Variants in MYO3B observed in about 807,000 individuals in gnomAD.
MYO3B encodes myosin-IIIb.
In MYO3B, 156 loss-of-function variants were observed where a neutral mutation model predicts 174.6. The observed-to-expected ratio is 0.89, with a 90% CI of 0.78 to 1.02. The LOEUF (loss-of-function observed/expected upper bound fraction) is 1.02, where lower values mean the gene tolerates loss of function less well. Among genes scored for constraint, MYO3B ranks in the 50% least tolerant of loss-of-function variants. MYO3B has a pLI of 0.00. For missense variants in MYO3B, 1,632 were observed against 1,639.4 expected (o/e 1.00, Z 0.08); for synonymous variants, 563 against 569.1 (o/e 0.99, Z 0.15).
chr2:170,587,629 A>G lies in MYO3B; in HGVS notation c.3733+43641A>G, dbSNP rs115183137. On this transcript the variant is annotated intron_variant, in intron 32 of 34. Coordinates refer to ENST00000408978, the MANE Select transcript of MYO3B (RefSeq NM_138995.5). ...AAAATGCAAGAAGGGTCTGTATCAC[A>G]TATAGAGAAACTTTTAATGACCTGG... Among the ~76,000 whole-genome samples the G allele has an allele frequency of 6.7e-3, 1,015 of 152,332 alleles. 8 individuals carry two copies. Among genetic ancestry groups the G allele is most frequent in the African/African-American group, 0.022 (920 of 41,578 alleles).
chr2:170,303,423 A>G (rs928327617), intron 7 of MYO3B, among the ~76,000 whole-genome samples: 4 of 152,188 alleles, frequency 2.6e-5, no homozygotes, highest in African/African-American at 4.8e-5. Context: ...GGTATTTCAC[A>G]TTCTCATTTA....
At chr2:170,562,467 C>A (rs1691776701) in intron 32 of MYO3B, among the ~76,000 whole-genome samples, 1 of 151,916 alleles carries the variant, frequency 6.6e-6, no homozygotes, top group Non-Finnish European at 1.5e-5. Flanking sequence ...GAAAAATAAC[C>A]CCAAAAGCCG....
At chr2:170,464,344 CAAAA>C (rs55671996) in intron 24 of MYO3B, among the ~76,000 whole-genome samples, 2,345 of 98,170 alleles carry the variant, frequency 0.024, 54 homozygotes, top group African/African-American at 0.077. Flanking sequence ...GACTCCCTCT[CAAAA>C]AAAAAAAAAA....
chr2:170,292,726 A>C (rs187810890), intron 7 of MYO3B, among the ~76,000 whole-genome samples: 1 of 152,270 alleles, frequency 6.6e-6, no homozygotes, highest in Admixed American at 6.5e-5. Flanking sequence ...AAGGCTGGGT[A>C]GGGGTTCATG....
intron 25 of MYO3B, among the ~76,000 whole-genome samples, chr2:170,473,965 C>G (rs1031488545): frequency 1.3e-5 from 2 of 152,130 alleles, no homozygotes; most frequent in African/African-American, 4.8e-5. Context: ...AGTTAGGAAC[C>G]TCTCAATAAC....
At chr2:170,562,244 C>T (rs2106255315) in intron 32 of MYO3B, among the ~76,000 whole-genome samples, 1 of 152,272 alleles carries the variant, frequency 6.6e-6, no homozygotes, top group South Asian at 2.1e-4. Context: ...AGTGTTATTG[C>T]TCTCTTTGAA....
At chr2:170,444,649 T>A (rs1458671994) in intron 23 of MYO3B, among the ~76,000 whole-genome samples, 1 of 152,172 alleles carries the variant, frequency 6.6e-6, no homozygotes, top group East Asian at 1.9e-4. Flanking sequence ...TAATAAAGAA[T>A]AAACAATTTG....
intron 25 of MYO3B, among the ~76,000 whole-genome samples, chr2:170,490,862 T>A (rs1686422644): frequency 1.3e-5 from 2 of 152,314 alleles, no homozygotes; most frequent in South Asian, 4.1e-4. Flanking sequence ...TTCACAATAT[T>A]TCCCTGATTA....
intron 25 of MYO3B, among the ~76,000 whole-genome samples, chr2:170,469,609 A>G (rs942415308): frequency 1.3e-5 from 2 of 152,100 alleles, no homozygotes; most frequent in East Asian, 3.9e-4. Flanking sequence ...TCTTCCAGAA[A>G]CTAGGAGTCA....
At chr2:170,486,129 C>A (rs1686033050) in intron 25 of MYO3B, among the ~76,000 whole-genome samples, 1 of 152,012 alleles carries the variant, frequency 6.6e-6, no homozygotes, top group Admixed American at 6.6e-5. Flanking sequence ...GGGAGACTAT[C>A]CTGTGGAAGA....
intron 25 of MYO3B, among the ~76,000 whole-genome samples, chr2:170,473,680 C>T (rs1314329258): frequency 6.6e-6 from 1 of 152,162 alleles, no homozygotes; most frequent in African/African-American, 2.4e-5. Flanking sequence ...CCCAGTTTGA[C>T]AATGCTATTA....
At chr2:170,594,827 GCACACACACACA>G (rs3047151) in intron 32 of MYO3B, among the ~76,000 whole-genome samples, 7 of 135,096 alleles carry the variant, frequency 5.2e-5, no homozygotes, top group African/African-American at 2.1e-4. Flanking sequence ...CCCAGCGCGC[GCACACACACACA>G]CACACACACA....
intron 30 of MYO3B, among the ~76,000 whole-genome samples, chr2:170,536,006 A>G (rs968998738): frequency 1.3e-5 from 2 of 152,188 alleles, no homozygotes; most frequent in Non-Finnish European, 2.9e-5. Context: ...CTTTTTTCCA[A>G]TAAAGCAAGC....
Position 170,236,001 on chromosome 2 carries a change from G to C in MYO3B, c.614G>C (p.Cys205Ser), listed in dbSNP as rs773287656. 6.2e-7 allele frequency: 1 copy of C among 1,613,954 alleles called. No homozygotes were observed. The highest frequency in any genetic ancestry group is 1.3e-5 in the African/African-American group (1 of 74,926). The change falls in exon 7 of 35, where the codon TGT becomes TCT. Residue 205 changes from cysteine (C) to serine (S), a missense_variant. Coordinates refer to ENST00000408978, the MANE Select transcript of MYO3B (RefSeq NM_138995.5). The stretch of plus-strand genomic sequence containing the variant: ...GCTTTTGTCCAATAGGTCATTGCCT[G>C]TGAGCAGCAGTATGACTCTTCCTAT... Reference protein sequence around the residue: ...PFWMAPEVIACEQQYDSSYDA... With the variant: ...PFWMAPEVIASEQQYDSSYDA...
At chr2:170,179,387 G>T (rs1247432133) in intron 1 of MYO3B, among the ~76,000 whole-genome samples, 3 of 152,086 alleles carry the variant, frequency 2.0e-5, no homozygotes, top group African/African-American at 7.2e-5. Context: ...CTACTCTTAC[G>T]TCTTTACCAT....
chr2:170,632,796 C>T (rs994001356), intron 32 of MYO3B, among the ~76,000 whole-genome samples: 6 of 151,430 alleles, frequency 4.0e-5, no homozygotes, highest in Non-Finnish European at 7.4e-5. Flanking sequence ...AAATGATAAA[C>T]GGCATATCAC....
At chr2:170,371,111 G>C (rs529899149) in intron 9 of MYO3B, among the ~76,000 whole-genome samples, 1 of 150,918 alleles carries the variant, frequency 6.6e-6, no homozygotes, top group Non-Finnish European at 1.5e-5. Flanking sequence ...CCAGCTGCTC[G>C]GGAGGCTGAG....
At chr2:170,296,968 G>A (rs921567736) in intron 7 of MYO3B, among the ~76,000 whole-genome samples, 10 of 152,040 alleles carry the variant, frequency 6.6e-5, no homozygotes, top group Admixed American at 3.9e-4. Context: ...ATGACAAACC[G>A]CACCCATGAT....
chr2:170,307,030 C>T (rs2093705211), intron 7 of MYO3B, among the ~76,000 whole-genome samples: 1 of 151,852 alleles, frequency 6.6e-6, no homozygotes, highest in Admixed American at 6.6e-5. Context: ...TTCAAAATCT[C>T]TGTGTTTTCC....
Sources: gnomAD v4.1 joint callset for allele counts (sites outside exome capture counted in the v4.1 genomes callset) on GRCh38, gnomAD v4.1.1 for gene constraint, MANE v1.5 for transcripts, NCBI Gene and HGNC (gene_info 2026-07-23, HGNC 2026-07-21) for gene names.